MORF4L1: variants seen among roughly 807,000 people sequenced by gnomAD.
MORF4L1 encodes mortality factor 4-like protein 1.
In MORF4L1, 4 loss-of-function variants were observed where a neutral mutation model predicts 52.9. The ratio of observed to expected loss-of-function variants is 0.08; its 90% confidence interval spans 0.04 to 0.17. MORF4L1 has a LOEUF of 0.17. Among genes scored for constraint, MORF4L1 ranks in the 10% least tolerant of loss-of-function variants. MORF4L1 has a pLI of 1.00. For missense variants in MORF4L1, 214 were observed against 390.4 expected, an observed-to-expected ratio of 0.55 and a Z score of 3.81; for synonymous variants, 123 against 134.8, an observed-to-expected ratio of 0.91 and a Z score of 0.61.
chr15:78,872,938 C>T lies in MORF4L1; in HGVS notation c.-80C>T. 3 of 1,498,344 alleles carry T rather than the reference C, an allele frequency of 2.0e-6. No homozygotes were observed. The highest frequency in any genetic ancestry group is 2.7e-6 in the Non-Finnish European group (3 of 1,127,054). The allele number at this position is 1,498,344 out of a possible 1,614,324, so 92.8% of individuals were successfully genotyped here. On this transcript the variant is annotated 5_prime_UTR_variant, in exon 1 of 12. In the 5' UTR this introduces an upstream ATG that the reference lacks. Transcript: ENST00000426013. ...TGGCAGTGCCTGACGGCGCGTCTGA[C>T]GCGGAGTTGGGTGGGGTAGAGAGTA...
chr15:78,881,799 G>A (rs1409307328), intron 3 of MORF4L1, among the ~76,000 whole-genome samples: 1 of 152,172 alleles, frequency 6.6e-6, no homozygotes, highest in African/African-American at 2.4e-5. Context: ...TTGTGGAATT[G>A]TCCTCTAGTA....
Position 78,897,456 on chromosome 15 carries a change from A to G in MORF4L1, c.*389A>G, listed in dbSNP as rs1484299872. 1 of 161,904 alleles carries G rather than the reference A, an allele frequency of 6.2e-6. No individual in the cohort carries two copies. Among genetic ancestry groups the G allele is most frequent in the Non-Finnish European group, 1.4e-5 (1 of 72,954 alleles). The allele number at this position is 161,904 out of a possible 1,614,324, so 10.0% of individuals were successfully genotyped here. On this transcript the variant is annotated 3_prime_UTR_variant, in exon 12 of 12. Transcript: ENST00000426013. ...GTGCCAAAGGTTCAATTCAGTGTAT[A>G]TAACTGAACACACTCATCCATTTGT...
At chr15:78,889,089 G>A (rs975877036) in intron 5 of MORF4L1, among the ~76,000 whole-genome samples, 2 of 152,156 alleles carry the variant, frequency 1.3e-5, no homozygotes, top group South Asian at 4.1e-4. Flanking sequence ...ATTTGCATTT[G>A]AATACAGCAT....
rs2056891927 is a variant in MORF4L1, at chr15:78,896,471, C to T, written c.888-512C>T. 1.3e-5 allele frequency among the ~76,000 whole-genome samples: 2 copies of T among 151,904 alleles called. 1 individual carries two copies. The highest frequency in any genetic ancestry group is 4.2e-4 in the South Asian group (2 of 4,796). ...GATTACAGGCATGCGCTACCATGTCCAGCTAATTTTGTGTCTTTAGTAGAG... is the reference window on the plus strand; with the variant it reads ...GATTACAGGCATGCGCTACCATGTCTAGCTAATTTTGTGTCTTTAGTAGAG... On this transcript the variant is annotated intron_variant, in intron 11 of 11. Transcript: ENST00000426013.
At chr15:78,884,460 A>G (rs1361702473) in intron 3 of MORF4L1, among the ~76,000 whole-genome samples, 1 of 151,800 alleles carries the variant, frequency 6.6e-6, no homozygotes, top group Non-Finnish European at 1.5e-5. Flanking sequence ...ACCAACATGG[A>G]GAAACCCTGT....
intron 1 of MORF4L1, 37 bp downstream of exon 1, chr15:78,873,094 C>T (rs2056398581): frequency 1.3e-6 from 2 of 1,549,448 alleles, no homozygotes; most frequent in South Asian, 2.4e-5. Flanking sequence ...CACCTAACGG[C>T]GCAGGAGATA....
Position 78,894,783 on chromosome 15 carries a change from T to G in MORF4L1, c.803-37T>G, listed in dbSNP as rs763874711. The G allele has an allele frequency of 2.7e-6, 4 of 1,481,934 alleles. No individual in the cohort carries two copies. In the Admixed American group the frequency reaches 6.7e-5, roughly 25 times the overall value. 91.8% of individuals were successfully genotyped at this position (1,481,934 alleles called of 1,614,324 possible). The stretch of plus-strand genomic sequence containing the variant: ...ATACATGGTTGTAGTGCCCCTGCCT[T>G]GGATGTAACTTTGGATAAATTCTCT... On this transcript the variant is annotated intron_variant, in intron 10 of 11. Transcript: ENST00000426013.
chr15:78,894,916 C>T lies in MORF4L1; in HGVS notation c.887+12C>T. On this transcript the variant is annotated intron_variant, in intron 11 of 11. Coordinates refer to ENST00000426013, the MANE Select transcript of MORF4L1 (RefSeq NM_006791.4). ...CACGATTTCCTAAAGTAAGTCTGTG[C>T]TTGAAATTATAAACATGGATTTGAA... 1 of 1,597,808 alleles carries T rather than the reference C, an allele frequency of 6.3e-7. No homozygotes were observed. Among genetic ancestry groups the T allele is most frequent in the Non-Finnish European group, 8.6e-7 (1 of 1,165,296 alleles).
chr15:78,883,864 C>G (rs2056645909), intron 3 of MORF4L1, among the ~76,000 whole-genome samples: 1 of 152,122 alleles, frequency 6.6e-6, no homozygotes, highest in Admixed American at 6.5e-5. Context: ...AAGTACTGCC[C>G]ATGGATCATT....
At chr15:78,885,294 T>C (rs1356773850) in intron 3 of MORF4L1, among the ~76,000 whole-genome samples, 1 of 152,174 alleles carries the variant, frequency 6.6e-6, no homozygotes, top group Non-Finnish European at 1.5e-5. Context: ...GATTTACTGC[T>C]CAAAAAAAGT....
chr15:78,890,907 G>A (rs948364098), intron 5 of MORF4L1, 82 bp from the exon 6 acceptor site: 16 of 1,251,778 alleles, frequency 1.3e-5, no homozygotes, highest in Non-Finnish European at 1.7e-5. Flanking sequence ...ATTTCTCTGT[G>A]AACTTAACCC....
intron 2 of MORF4L1, 114 bp downstream of exon 2, chr15:78,878,373 A>T (rs1215205340): frequency 1.0e-5 from 8 of 787,380 alleles, no homozygotes; most frequent in Non-Finnish European, 1.5e-5. Flanking sequence ...TGCCTTTTTT[A>T]GGTTCGTAGT....
Position 78,891,561 on chromosome 15 carries a change from A to G in MORF4L1, c.427A>G (p.Thr143Ala), listed in dbSNP as rs756808607. The change falls in exon 7 of 12, where the codon ACT (threonine) becomes GCT (alanine). Residue 143 changes from threonine (T) to alanine (A), a missense_variant. Coordinates refer to ENST00000426013, the MANE Select transcript of MORF4L1 (RefSeq NM_006791.4). Reference protein sequence around the residue: ...PRKKRARVDPTVENEETFMNR... With the variant: ...PRKKRARVDPAVENEETFMNR... ...GAAGAAAAGGGCCCGGGTAGATCCTACTGTTGAAAATGTGAGTTTTTCTTG... is the reference window on the plus strand; with the variant it reads ...GAAGAAAAGGGCCCGGGTAGATCCTGCTGTTGAAAATGTGAGTTTTTCTTG... 8 of 1,612,424 alleles carry G rather than the reference A, an allele frequency of 5.0e-6. No individual in the cohort carries two copies. The highest frequency in any genetic ancestry group is 1.3e-5 in the African/African-American group (1 of 74,870).
intron 11 of MORF4L1, among the ~76,000 whole-genome samples, chr15:78,896,498 C>T (rs552247389): frequency 1.1e-4 from 17 of 151,782 alleles, no homozygotes; most frequent in South Asian, 1.0e-3. Context: ...TTAGTAGAGA[C>T]GGGTTTCTCC....
chr15:78,873,109 C>T (rs982354578), intron 1 of MORF4L1, 52 bp downstream of exon 1: 39 of 1,547,546 alleles, frequency 2.5e-5, no homozygotes, highest in Non-Finnish European at 3.3e-5. Context: ...GAGATAGAGG[C>T]GGGCTCGAGG....
At chr15:78,876,306 T>G (rs1201992302) in intron 1 of MORF4L1, among the ~76,000 whole-genome samples, 3 of 151,266 alleles carry the variant, frequency 2.0e-5, no homozygotes, top group African/African-American at 4.9e-5. Context: ...TATAAAAAAG[T>G]TTTTTTTTAT....
At chr15:78,896,054 C>T (rs985671736) in intron 11 of MORF4L1, among the ~76,000 whole-genome samples, 3 of 152,096 alleles carry the variant, frequency 2.0e-5, no homozygotes, top group Non-Finnish European at 4.4e-5. Flanking sequence ...TCACAGCTCA[C>T]TACAACCTCC....
intron 3 of MORF4L1, chr15:78,885,111 A>G: frequency 2.0e-6 from 3 of 1,522,208 alleles, no homozygotes; most frequent in Non-Finnish European, 1.8e-6. Context: ...AATTTTCTCT[A>G]GGAAATCATG....
chr15:78,882,736 A>G (rs913344654), intron 3 of MORF4L1, among the ~76,000 whole-genome samples: 1 of 152,142 alleles, frequency 6.6e-6, no homozygotes, highest in Non-Finnish European at 1.5e-5. Context: ...AACACAAAGC[A>G]AATTTATGGT....
Sources: allele counts gnomAD v4.1 joint callset (sites outside exome capture counted in the v4.1 genomes callset), GRCh38; gene constraint gnomAD v4.1.1; transcripts MANE v1.5; gene names NCBI Gene and HGNC (gene_info 2026-07-23, HGNC 2026-07-21).